Variants in IFT43 observed in about 807,000 individuals in gnomAD.
The protein encoded by IFT43 is intraflagellar transport 43.
In IFT43, 33 loss-of-function variants were observed where a neutral mutation model predicts 32.3. That is an observed-to-expected ratio of 1.02 (90% CI 0.77 to 1.37). The LOEUF is 1.37. IFT43 is among the 40% of genes most tolerant of loss of function. The probability of loss-of-function intolerance (pLI) is 0.00; values close to 1 mark genes in which losing one functional copy is unlikely to be tolerated. For synonymous variants in IFT43, 93 were observed against 98.2 expected (o/e 0.95, Z 0.31); for missense variants, 274 against 265.9 (o/e 1.03, Z -0.21).
At chr14:76,054,782 C>T (rs920625879) in intron 3 of IFT43, among the ~76,000 whole-genome samples, 1 of 152,226 alleles carries the variant, frequency 6.6e-6, no homozygotes, top group African/African-American at 2.4e-5. Context: ...GCTCTGCAGA[C>T]AGCCTGTCAG....
At chr14:75,989,853 A>G (rs1045594435) in intron 2 of IFT43, among the ~76,000 whole-genome samples, 2 of 152,236 alleles carry the variant, frequency 1.3e-5, no homozygotes, top group Non-Finnish European at 2.9e-5. Context: ...GCATGAGCAA[A>G]TGAACCGGGT....
At chr14:76,056,563 G>T (rs2037020700) in intron 3 of IFT43, among the ~76,000 whole-genome samples, 1 of 152,092 alleles carries the variant, frequency 6.6e-6, no homozygotes, top group South Asian at 2.1e-4. Flanking sequence ...GAACGATTCG[G>T]TCATAACTCC....
chr14:75,989,544 T>G (rs1295653239), intron 2 of IFT43, among the ~76,000 whole-genome samples: 4 of 152,138 alleles, frequency 2.6e-5, no homozygotes, highest in Non-Finnish European at 2.9e-5. Flanking sequence ...AGCCCCTTTT[T>G]ACCTTCCTCT....
At chr14:76,082,258 G>A (rs746268865) in intron 5 of IFT43, 37 bp from the exon 6 acceptor site, 2 of 1,596,054 alleles carry the variant, frequency 1.3e-6, no homozygotes, top group Non-Finnish European at 1.7e-6. Context: ...ATCCCTATGA[G>A]TTCTGCAGAC....
Position 75,990,163 on chromosome 14 carries a change from A to G in IFT43, c.147+1186A>G, listed in dbSNP as rs550709028. ...ACATGCCCCCTCTAAAGGGACAACC[A>G]CTACTTAGCCAAAGCTGGTTGGTGC... On this transcript the variant is annotated intron_variant, in intron 2 of 8. Coordinates refer to ENST00000314067, the MANE Select transcript of IFT43 (RefSeq NM_001102564.3). Among the ~76,000 whole-genome samples the G allele has an allele frequency of 1.3e-4, 20 of 152,360 alleles. No homozygotes were observed. The South Asian group carries it at 3.3e-3, about 25-fold the overall frequency.
In IFT43 at chr14:76,059,308, T is replaced by C; in HGVS notation, c.249-19T>C. The C allele has an allele frequency of 3.1e-6, 5 of 1,614,056 alleles. No homozygotes were observed. Among genetic ancestry groups the C allele is most frequent in the Non-Finnish European group, 4.2e-6 (5 of 1,179,884 alleles). On this transcript the variant is annotated intron_variant, in intron 4 of 8. Transcript: ENST00000314067. Reference sequence around the variant, plus strand: ...TGAAACTCATTTTTTGCTGTCCTTTTCTTCTTTTTTGGGGGCAGTTTCCGC... The same window carrying C: ...TGAAACTCATTTTTTGCTGTCCTTTCCTTCTTTTTTGGGGGCAGTTTCCGC...
At position 76,076,650 on chromosome 14, in the gene IFT43, C is replaced by T. The variant is rs375132671; in HGVS notation, c.296-5645C>T. The T allele has an allele frequency of 3.7e-5, 59 of 1,614,052 alleles. No homozygotes were observed. The highest frequency in any genetic ancestry group is 1.6e-4 in the Middle Eastern group (1 of 6,084). On this transcript the variant is annotated intron_variant, in intron 5 of 8. Coordinates refer to ENST00000314067, the MANE Select transcript of IFT43 (RefSeq NM_001102564.3). ...GATCTGAACGCATGCTATCACAAAA[C>T]GCATCACAGAGATTTGGGGCTGGCT...
At chr14:76,033,888 A>C (rs1275913935) in intron 3 of IFT43, among the ~76,000 whole-genome samples, 2 of 152,246 alleles carry the variant, frequency 1.3e-5, no homozygotes, top group Admixed American at 6.5e-5. Flanking sequence ...GTGATGGGAT[A>C]TCAGAAGAGA....
At chr14:75,987,029 A>G (rs909376043) in intron 1 of IFT43, among the ~76,000 whole-genome samples, 1 of 152,206 alleles carries the variant, frequency 6.6e-6, no homozygotes, top group African/African-American at 2.4e-5. Flanking sequence ...AATAGACTAC[A>G]TTTAACATAC....
chr14:75,998,611 T>C (rs192059452), intron 2 of IFT43, among the ~76,000 whole-genome samples: 32 of 152,192 alleles, frequency 2.1e-4, no homozygotes, highest in Non-Finnish European at 4.3e-4. Flanking sequence ...GAGAGTGTCA[T>C]GATGGACTGA....
chr14:76,046,494 G>A (rs1311367161), intron 3 of IFT43, among the ~76,000 whole-genome samples: 2 of 152,118 alleles, frequency 1.3e-5, no homozygotes, highest in African/African-American at 2.4e-5. Flanking sequence ...GGCACACCCA[G>A]CCAGCACCCA....
intron 2 of IFT43, among the ~76,000 whole-genome samples, chr14:76,018,658 C>A (rs2036234890): frequency 6.6e-6 from 1 of 152,088 alleles, no homozygotes; most frequent in Admixed American, 6.5e-5. Flanking sequence ...GTTGAAGTCA[C>A]CAACTATTAT....
rs555329859 is a variant in IFT43 at position 76,059,719 on chromosome 14, A to G, written c.295+346A>G. The G allele has an allele frequency of 1.3e-3, 478 of 369,736 alleles. 9 individuals are homozygous for G. Among genetic ancestry groups the G allele is most frequent in the South Asian group, 9.0e-3 (401 of 44,506 alleles). 22.9% of individuals were successfully genotyped at this position (369,736 alleles called of 1,614,324 possible). A position where few individuals can be genotyped will look rare whatever the true frequency, so the allele number is the denominator to read the frequency against. ...AACCAACATTGTAATAACATGGCCA[A>G]TATTTACTAGGTGTTGACTATATCC... On this transcript the variant is annotated intron_variant, in intron 5 of 8. Coordinates refer to ENST00000314067, the MANE Select transcript of IFT43 (RefSeq NM_001102564.3).
chr14:76,069,810 G>A (rs976966135), intron 5 of IFT43, among the ~76,000 whole-genome samples: 8 of 152,202 alleles, frequency 5.3e-5, no homozygotes, highest in Non-Finnish European at 1.0e-4. Context: ...ACTGAGTGGA[G>A]TTGTAGCTCC....
intron 3 of IFT43, among the ~76,000 whole-genome samples, chr14:76,027,598 A>T (rs953370959): frequency 6.6e-5 from 10 of 151,264 alleles, no homozygotes; most frequent in African/African-American, 2.2e-4. Context: ...AGTCCCAGCT[A>T]CTCGGGAGGC....
At chr14:76,035,421 G>A (rs1566718280) in intron 3 of IFT43, among the ~76,000 whole-genome samples, 1 of 152,052 alleles carries the variant, frequency 6.6e-6, no homozygotes, top group Non-Finnish European at 1.5e-5. Flanking sequence ...TGCTGGTCCC[G>A]AGGTTATCCC....
chr14:76,079,492 C>T (rs776456359), intron 5 of IFT43, among the ~76,000 whole-genome samples: 8 of 152,134 alleles, frequency 5.3e-5, no homozygotes, highest in Non-Finnish European at 8.8e-5. Flanking sequence ...GAAAAAGTCA[C>T]ACAACTAGTA....
intron 2 of IFT43, chr14:76,014,000 C>A: frequency 4.2e-6 from 1 of 236,396 alleles, no homozygotes; most frequent in Non-Finnish European, 9.2e-6. Context: ...GTAATCCAGG[C>A]TGTCATAGCA....
chr14:76,077,307 T>TA (rs1431044954), intron 5 of IFT43, among the ~76,000 whole-genome samples: 1 of 152,206 alleles, frequency 6.6e-6, no homozygotes. Context: ...GGATTACTCT[T>TA]ATTTGTTCTT....
Sources: gnomAD v4.1 joint callset for allele counts (sites outside exome capture counted in the v4.1 genomes callset) on GRCh38, gnomAD v4.1.1 for gene constraint, MANE v1.5 for transcripts, NCBI Gene and HGNC (gene_info 2026-07-23, HGNC 2026-07-21) for gene names.